The following N4BP2L2 variants were observed in gnomAD, a reference collection of about 807,000 sequenced individuals.
N4BP2L2 encodes the protein NEDD4-binding protein 2-like 2.
In N4BP2L2, 50 loss-of-function variants were observed where a neutral mutation model predicts 56.2. The ratio of observed to expected loss-of-function variants is 0.89; its 90% CI spans 0.71 to 1.13. The LOEUF (loss-of-function observed/expected upper bound fraction) is 1.13. Ranked by LOEUF, N4BP2L2 falls within the 50% of genes most tolerant of loss-of-function variation. The pLI is 0.00. For synonymous variants in N4BP2L2, 203 were observed against 223.6 expected (o/e 0.91, Z 0.82); for missense variants, 689 against 693.8 (o/e 0.99, Z 0.08).
chr13:32,465,644 C>T (rs1211919990), intron 6 of N4BP2L2, among the ~76,000 whole-genome samples: 1 of 152,006 alleles, frequency 6.6e-6, no homozygotes, highest in East Asian at 1.9e-4. Flanking sequence ...ATGGAAAATG[C>T]ATATTTATTT....
chr13:32,443,674 T>A, exon 7 of N4BP2L2: 1 of 1,609,972 alleles, frequency 6.2e-7, no homozygotes, highest in South Asian at 1.1e-5. Flanking sequence ...AGAGCAGTCA[T>A]CAGTTGTTAC....
At chr13:32,468,713 T>C (rs1380114927) in intron 6 of N4BP2L2, among the ~76,000 whole-genome samples, 1 of 152,204 alleles carries the variant, frequency 6.6e-6, no homozygotes, top group African/African-American at 2.4e-5. Flanking sequence ...AACCTGTTTG[T>C]GTAAGCTCAT....
intron 2 of N4BP2L2, 143 bp from the exon 3 acceptor site, chr13:32,527,675 TATCACGAA>T: frequency 5.7e-6 from 5 of 883,996 alleles, no homozygotes; most frequent in Non-Finnish European, 6.8e-6. Context: ...CCTGAAAGTA[TATCACGAA>T]CAGACCAGCA....
At chr13:32,489,016 T>C (rs988392294) in intron 6 of N4BP2L2, among the ~76,000 whole-genome samples, 18 of 152,138 alleles carry the variant, frequency 1.2e-4, no homozygotes, top group Non-Finnish European at 2.2e-4. Flanking sequence ...GAGGTTGCAG[T>C]GAGCTGAGAT....
exon 10 of N4BP2L2, chr13:32,432,782 T>G (rs879797914): frequency 1.3e-5 from 2 of 152,214 alleles, no homozygotes; most frequent in African/African-American, 4.8e-5. Flanking sequence ...AATGTTCAAA[T>G]TGTTACCTCC....
intron 6 of N4BP2L2, among the ~76,000 whole-genome samples, chr13:32,482,188 T>C (rs2084893546): frequency 6.6e-6 from 1 of 152,234 alleles, no homozygotes; most frequent in Admixed American, 6.5e-5. Context: ...TGATTCATAA[T>C]GGGTGATCAA....
At chr13:32,486,206 A>G (rs771193803) in intron 6 of N4BP2L2, among the ~76,000 whole-genome samples, 3 of 152,214 alleles carry the variant, frequency 2.0e-5, no homozygotes, top group Non-Finnish European at 4.4e-5. Context: ...ATCAGAAAAA[A>G]GACTACAAGA....
downstream of N4BP2L2, chr13:32,509,432 T>C (rs1425356063): frequency 3.9e-5 from 6 of 152,334 alleles, no homozygotes; most frequent in African/African-American, 1.4e-4. Flanking sequence ...ACGTTGCTCT[T>C]CTTTGATTAC....
chr13:32,509,923 T>G (rs2091509295), downstream of N4BP2L2, among the ~76,000 whole-genome samples: 1 of 152,154 alleles, frequency 6.6e-6, no homozygotes, highest in Non-Finnish European at 1.5e-5. Flanking sequence ...GTTCTTCAAT[T>G]TTTTTAAGTT....
At chr13:32,463,559 G>T in intron 6 of N4BP2L2, among the ~76,000 whole-genome samples, 1 of 151,706 alleles carries the variant, frequency 6.6e-6, no homozygotes, top group African/African-American at 2.4e-5. Flanking sequence ...AGCTACTTGG[G>T]AGGCTGAGGC....
chr13:32,488,315 C>T (rs1731876505), intron 6 of N4BP2L2, among the ~76,000 whole-genome samples: 2 of 152,066 alleles, frequency 1.3e-5, no homozygotes, highest in Non-Finnish European at 2.9e-5. Context: ...GAAGAGAAAA[C>T]CAAATACTGC....
exon 6 of N4BP2L2, chr13:32,511,340 A>C (rs773497681): frequency 3.9e-5 from 6 of 152,232 alleles, no homozygotes; most frequent in Non-Finnish European, 8.8e-5. Context: ...GCTTTCCTTC[A>C]AAATCATTCA....
chr13:32,536,834 T>C (rs1417147693), exon 2 of N4BP2L2: 2 of 1,614,048 alleles, frequency 1.2e-6, no homozygotes, highest in Admixed American at 1.7e-5. Context: ...CAAATAACTA[T>C]GTCCTCTGAC....
exon 4 of N4BP2L2, chr13:32,522,188 C>T: frequency 1.3e-6 from 2 of 1,539,554 alleles, no homozygotes; most frequent in Non-Finnish European, 1.8e-6. Flanking sequence ...TTACCACTTC[C>T]ACATATGGCT....
At chr13:32,506,408 T>C (rs1217251482), downstream of N4BP2L2, 2 of 152,292 alleles carry the variant, frequency 1.3e-5, no homozygotes, top group South Asian at 2.1e-4. Flanking sequence ...GGGGTGGGGA[T>C]GGATAATTCA....
At chr13:32,471,041 G>A (rs2082192808) in intron 6 of N4BP2L2, among the ~76,000 whole-genome samples, 1 of 152,224 alleles carries the variant, frequency 6.6e-6, no homozygotes, top group Admixed American at 6.5e-5. Flanking sequence ...GCTGAACTCA[G>A]TGCAATGTGA....
chr13:32,436,367 A>C (rs988326764), exon 9 of N4BP2L2: 4 of 1,223,060 alleles, frequency 3.3e-6, no homozygotes, highest in African/African-American at 1.5e-5. Context: ...TTACAGTTCA[A>C]GGAATTTTCA....
At chr13:32,451,832 A>T (rs1286684680) in intron 6 of N4BP2L2, among the ~76,000 whole-genome samples, 1 of 151,770 alleles carries the variant, frequency 6.6e-6, no homozygotes, top group Non-Finnish European at 1.5e-5. Context: ...ACAGCCAAAA[A>T]CACAAGTTAT....
At chr13:32,480,731 T>A in intron 6 of N4BP2L2, 2 of 661,658 alleles carry the variant, frequency 3.0e-6, no homozygotes, top group Non-Finnish European at 4.6e-6. Context: ...GTGCTACTAC[T>A]ATTTTCATTT....
Sources: gnomAD v4.1 joint callset for allele counts (sites outside exome capture counted in the v4.1 genomes callset) on GRCh38, gnomAD v4.1.1 for gene constraint, MANE v1.5 for transcripts, NCBI Gene and HGNC (gene_info 2026-07-23, HGNC 2026-07-21) for gene names.